STRIP2: variants seen among roughly 807,000 people sequenced by gnomAD.
STRIP2 encodes striatin-interacting protein 2.
In STRIP2, 84 loss-of-function variants were observed where a neutral mutation model predicts 107.1. The ratio of observed to expected loss-of-function variants is 0.78; its 90% CI spans 0.66 to 0.94. The LOEUF (loss-of-function observed/expected upper bound fraction) is 0.94. Ranked by LOEUF, STRIP2 falls within the 40% of genes least tolerant of loss-of-function variation. The pLI is 0.00. For synonymous variants in STRIP2, 394 were observed against 400.4 expected (o/e 0.98, Z 0.19); for missense variants, 888 against 1,034.2 (o/e 0.86, Z 1.94).
intron 12 of STRIP2, among the ~76,000 whole-genome samples, chr7:129,459,839 C>T (rs977620716): frequency 3.3e-5 from 5 of 152,072 alleles, no homozygotes; most frequent in African/African-American, 1.2e-4. Flanking sequence ...TCTCTCTTCC[C>T]ATTCCTTGCT....
At chr7:129,459,872 G>A (rs1490069146) in intron 12 of STRIP2, among the ~76,000 whole-genome samples, 1 of 150,166 alleles carries the variant, frequency 6.7e-6, no homozygotes, top group African/African-American at 2.5e-5. Context: ...ACTTCTCTCT[G>A]TCCATAAGTC....
At chr7:129,469,086 C>G (rs1003207392) in intron 17 of STRIP2, among the ~76,000 whole-genome samples, 4 of 152,212 alleles carry the variant, frequency 2.6e-5, no homozygotes, top group African/African-American at 4.8e-5. Flanking sequence ...GAGGTTCACT[C>G]CTAGATCAAC....
chr7:129,458,198 C>G lies in STRIP2; in HGVS notation c.1039-17C>G. On this transcript the variant is annotated splice_polypyrimidine_tract_variant and intron_variant, in intron 9 of 20. Transcript: ENST00000249344. This position sits in a 1 kb window ranked among gnomAD's most constrained non-coding sequence, Gnocchi z 4.6. ...GTGAGATCTCTGCATGCCTACCCTC[C>G]CTTCTTTCCCCTCCAGCAACTCCTC... The G allele has an allele frequency of 6.2e-7, 1 of 1,604,996 alleles. No individual in the cohort carries two copies. Among genetic ancestry groups the G allele is most frequent in the Non-Finnish European group, 8.5e-7 (1 of 1,172,122 alleles).
chr7:129,481,213 G>A (rs962871566), intron 19 of STRIP2, among the ~76,000 whole-genome samples: 1 of 152,116 alleles, frequency 6.6e-6, no homozygotes, highest in Non-Finnish European at 1.5e-5. Flanking sequence ...AATAATGAAA[G>A]CTTGTCTGGG....
intron 18 of STRIP2, among the ~76,000 whole-genome samples, chr7:129,478,943 T>C (rs1278027217): frequency 6.6e-6 from 1 of 152,192 alleles, no homozygotes; most frequent in Non-Finnish European, 1.5e-5. Context: ...ATACACTTAC[T>C]TATCCCATAT....
At position 129,460,392 on chromosome 7, in the gene STRIP2, C is replaced by T. The variant is rs1798499877; in HGVS notation, c.1476+20C>T. ...TCTTTGGTGAGCCAAGGAAGCCCTA[C>T]ACAGGAGGAGAGTAGAAGAAAACCT... is the stretch of plus-strand genomic sequence containing the variant. On this transcript the variant is annotated intron_variant, in intron 13 of 20. Coordinates refer to ENST00000249344, the MANE Select transcript of STRIP2 (RefSeq NM_020704.3). 6.2e-7 allele frequency: 1 copy of T among 1,608,142 alleles called. No individual in the cohort carries two copies. Among genetic ancestry groups the T allele is most frequent in the Non-Finnish European group, 8.5e-7 (1 of 1,175,754 alleles).
Position 129,485,784 on chromosome 7 carries a change from G to GTT in STRIP2, c.2463_2464dup (p.Ser822PhefsTer16). ...ATGAGCTCTGGCTCGAGAGAGAGGTGTTTTCACAGCCCATCTGTTGGGAGG... is the reference window on the plus strand; with the variant it reads ...ATGAGCTCTGGCTCGAGAGAGAGGTGTTTTTTCACAGCCCATCTGTTGGGAGG... On this transcript the variant is annotated frameshift_variant, in exon 21 of 21. Transcript: ENST00000249344. LOFTEE classifies it high-confidence loss of function. 6.2e-7 allele frequency: 1 copy of GTT among 1,614,156 alleles called. No homozygotes were observed. The highest frequency in any genetic ancestry group is 8.5e-7 in the Non-Finnish European group (1 of 1,180,034).
chr7:129,460,614 T>A, intron 13 of STRIP2: 1 of 496,470 alleles, frequency 2.0e-6, no homozygotes, highest in Non-Finnish European at 3.7e-6. Flanking sequence ...CAGGATGACA[T>A]GAAAGAAGCA....
chr7:129,450,140 C>T (rs935728756), intron 3 of STRIP2, among the ~76,000 whole-genome samples: 4 of 152,162 alleles, frequency 2.6e-5, no homozygotes, highest in Non-Finnish European at 4.4e-5. Context: ...TGGATCTAAT[C>T]ATATTAAGCA....
In STRIP2 at chr7:129,454,509, A is replaced by T. The variant is rs200958944; in HGVS notation, c.688A>T (p.Thr230Ser). The change falls in exon 7 of 21, where the codon ACC (threonine) becomes TCC (serine). Residue 230 changes from threonine (T) to serine (S), a missense_variant. Transcript: ENST00000249344. ...DPCGWRTARE[T>S]FRTELSFSMH... ...CTGTGGGTGGAGAACAGCCCGGGAG[A>T]CCTTCCGCACTGAATTAAGTAAGAA... The T allele has an allele frequency of 6.2e-6, 10 of 1,612,886 alleles. No homozygotes were observed. The Admixed American group carries it at 1.0e-4, about 16-fold the overall frequency.
Position 129,434,455 on chromosome 7 carries a change from G to C in STRIP2, c.-18G>C, listed in dbSNP as rs1294268756. The C allele has an allele frequency of 1.3e-6, 2 of 1,498,362 alleles. No individual in the cohort carries two copies. Among genetic ancestry groups the C allele is most frequent in the Admixed American group, 4.2e-5 (2 of 47,386 alleles). The allele number at this position is 1,498,362 out of a possible 1,614,324, so 92.8% of individuals were successfully genotyped here. On this transcript the variant is annotated 5_prime_UTR_variant, in exon 1 of 21. Transcript: ENST00000249344. ...GGCAAAGCGAGCTGAACCCTGAGGG[G>C]AGCCGCTGACCAGCAGCATGGAGGA...
rs1798539678 is a variant in STRIP2 at position 129,461,634 on chromosome 7, G to A, written c.1476+1262G>A. 6.6e-6 allele frequency among the ~76,000 whole-genome samples: 1 copy of A among 152,186 alleles called. No individual in the cohort carries two copies. The highest frequency in any genetic ancestry group is 2.4e-5 in the African/African-American group (1 of 41,430). On this transcript the variant is annotated intron_variant, in intron 13 of 20. Transcript: ENST00000249344. This position sits in a 1 kb window ranked among gnomAD's most constrained non-coding sequence, Gnocchi z 4.0. ...AAGTGGCATTATGGTAAGAACCAAG[G>A]TGCCCATTGGATTTGGCAACATGAA...
At position 129,458,030 on chromosome 7, in the gene STRIP2, TCTTGTC is replaced by T. The variant is rs1371677124; in HGVS notation, c.1039-182_1039-177del. 6.1e-6 allele frequency: 4 copies of T among 651,718 alleles called. No homozygotes were observed. The African/African-American group carries it at 7.1e-5, about 12-fold the overall frequency. 40.4% of individuals were successfully genotyped at this position (651,718 alleles called of 1,614,324 possible). A position where few individuals can be genotyped will look rare whatever the true frequency, so the allele number is the denominator to read the frequency against. On this transcript the variant is annotated intron_variant, in intron 9 of 20. Transcript: ENST00000249344. This position sits in a 1 kb window ranked among gnomAD's most constrained non-coding sequence, Gnocchi z 4.6. ...CTAATGGCAGGGTTACCTGAGAACT[TCTTGTC>T]CTGTTATTGGGCCGGGTGGGGACAG...
At position 129,458,409 on chromosome 7, in the gene STRIP2, G is replaced by C. The variant is rs763170596; in HGVS notation, c.1233G>C (p.Arg411=). ...CACAGGCACCCCTCTCTGCTGAGCG[G>C]GTGGCTTTTCCCAAGGGCCTGCCCT... ...PPSQAPLSAE[R]VAFPKGLPWA... is the part of the protein sequence containing the mutation. Residue 411 remains arginine (R), a synonymous_variant, in exon 10 of 21, where the codon CGG becomes CGC. Transcript: ENST00000249344. The surrounding 1 kb of genome is among the most constrained non-coding windows in gnomAD (Gnocchi z 4.6). 2.5e-6 allele frequency: 4 copies of C among 1,610,916 alleles called. No homozygotes were observed. Among genetic ancestry groups the C allele is most frequent in the East Asian group, 4.5e-5 (2 of 44,784 alleles).
intron 1 of STRIP2, among the ~76,000 whole-genome samples, chr7:129,439,037 T>TA (rs1797827584): frequency 1.3e-5 from 2 of 152,156 alleles, no homozygotes; most frequent in Non-Finnish European, 2.9e-5. Flanking sequence ...TAGACATAAT[T>TA]AAACTATTGG....
At chr7:129,471,904 T>C (rs1363682129) in intron 18 of STRIP2, among the ~76,000 whole-genome samples, 1 of 152,210 alleles carries the variant, frequency 6.6e-6, no homozygotes, top group Non-Finnish European at 1.5e-5. Flanking sequence ...GGAAGCTTTT[T>C]ATTCCTACAG....
chr7:129,470,573 C>G lies in STRIP2; in HGVS notation c.1878-76C>G, dbSNP rs1190621179. ...TAGGGGCTGCTGGAGAGAAATAACT[C>G]CTGCCCTTTCCAGATACAGCCAATT... On this transcript the variant is annotated intron_variant, in intron 17 of 20. Transcript: ENST00000249344. The G allele has an allele frequency of 4.1e-6, 5 of 1,229,674 alleles. No homozygotes were observed. In the East Asian group the frequency reaches 1.2e-4, roughly 29 times the overall value. 76.2% of individuals were successfully genotyped at this position (1,229,674 alleles called of 1,614,324 possible). A position where few individuals can be genotyped will look rare whatever the true frequency, so the allele number is the denominator to read the frequency against.
At chr7:129,473,079 G>A (rs896834598) in intron 18 of STRIP2, among the ~76,000 whole-genome samples, 2 of 151,738 alleles carry the variant, frequency 1.3e-5, no homozygotes, top group South Asian at 4.1e-4. Flanking sequence ...GAGCCACAAC[G>A]AATGGCTATA....
intron 14 of STRIP2, among the ~76,000 whole-genome samples, chr7:129,463,814 A>T (rs1407328639): frequency 6.6e-6 from 1 of 152,188 alleles, no homozygotes; most frequent in Non-Finnish European, 1.5e-5. Context: ...ACAGTCTTGA[A>T]GCATAACAGC....
Sources: allele counts gnomAD v4.1 joint callset (sites outside exome capture counted in the v4.1 genomes callset), GRCh38; gene constraint gnomAD v4.1.1; non-coding constraint Gnocchi (gnomAD v3.1); transcripts MANE v1.5; gene names NCBI Gene and HGNC (gene_info 2026-07-23, HGNC 2026-07-21).